Variants in GAB2 observed in about 807,000 individuals in gnomAD.
GAB2 encodes the protein GRB2 associated binding protein 2.
Under a neutral mutation model 65.5 loss-of-function variants are expected in GAB2, and 26 were observed. The observed-to-expected ratio is 0.40, with a 90% confidence interval of 0.29 to 0.55. GAB2 has a LOEUF of 0.55. Ranked by LOEUF, GAB2 falls within the 20% of genes least tolerant of loss-of-function variation. The pLI is 0.53. For synonymous variants in GAB2, 321 were observed against 329.6 expected, an observed-to-expected ratio of 0.97 and a Z score of 0.28; for missense variants, 884 against 875.8, an observed-to-expected ratio of 1.01 and a Z score of -0.12.
At chr11:78,294,278 G>T (rs1233321322) in intron 1 of GAB2, among the ~76,000 whole-genome samples, 1 of 152,162 alleles carries the variant, frequency 6.6e-6, no homozygotes, top group Admixed American at 6.5e-5. Context: ...GTATTCCATG[G>T]TGTATATGTG....
chr11:78,233,040 G>GT (rs372693456), intron 3 of GAB2, among the ~76,000 whole-genome samples: 3,077 of 131,926 alleles, frequency 0.023, 66 homozygotes, highest in Middle Eastern at 0.037. Context: ...GCACTGTTAA[G>GT]TTTTTTTTTT....
chr11:78,327,256 T>C (rs2134671736), intron 1 of GAB2, among the ~76,000 whole-genome samples: 1 of 152,284 alleles, frequency 6.6e-6, no homozygotes, highest in African/African-American at 2.4e-5. Context: ...AACAATCATG[T>C]TTTAATTATC....
At chr11:78,346,168 T>C (rs544863815) in intron 1 of GAB2, among the ~76,000 whole-genome samples, 1 of 152,260 alleles carries the variant, frequency 6.6e-6, no homozygotes, top group African/African-American at 2.4e-5. Flanking sequence ...TGACTACAAT[T>C]CTTCACCCTT....
chr11:78,341,031 T>C (rs1489703916), intron 1 of GAB2, among the ~76,000 whole-genome samples: 4 of 152,178 alleles, frequency 2.6e-5, no homozygotes, highest in African/African-American at 9.7e-5. Flanking sequence ...TGCTCTTTCT[T>C]GATGCCTATA....
intron 1 of GAB2, among the ~76,000 whole-genome samples, chr11:78,313,310 T>C (rs1939569329): frequency 6.6e-6 from 1 of 152,130 alleles, no homozygotes; most frequent in Non-Finnish European, 1.5e-5. Flanking sequence ...AATCCTAGAC[T>C]GTTGAGAATA....
chr11:78,310,370 G>A (rs1446318098), intron 1 of GAB2, among the ~76,000 whole-genome samples: 3 of 150,852 alleles, frequency 2.0e-5, no homozygotes, highest in African/African-American at 7.3e-5. Context: ...AAAATTAGCC[G>A]GGCACGGTGG....
rs140172625 is a variant in GAB2 at position 78,337,177 on chromosome 11, T to G, written c.76-56276A>C. The stretch of plus-strand genomic sequence containing the variant: ...CAAGATCTCAACACATTCTTAGCAT[T>G]TGGTCTCAGCAAAAGATCAGATAAT... On this transcript the variant is annotated intron_variant, in intron 1 of 9. Coordinates refer to ENST00000361507, the MANE Select transcript of GAB2 (RefSeq NM_080491.3). 2.7e-3 allele frequency among the ~76,000 whole-genome samples: 410 copies of G among 152,334 alleles called. 3 individuals are homozygous for G. Among genetic ancestry groups the G allele is most frequent in the Non-Finnish European group, 4.6e-3 (316 of 68,024 alleles).
intron 9 of GAB2, among the ~76,000 whole-genome samples, chr11:78,219,622 G>C (rs1023751167): frequency 2.0e-5 from 3 of 152,164 alleles, no homozygotes; most frequent in African/African-American, 7.2e-5. Context: ...CCTCCTGCAG[G>C]ATGTAGCAGC....
intron 3 of GAB2, among the ~76,000 whole-genome samples, chr11:78,248,251 G>A (rs866065195): frequency 1.4e-4 from 22 of 152,252 alleles, no homozygotes; most frequent in Middle Eastern, 6.8e-3. Flanking sequence ...TGCAGAGAGT[G>A]GGCCCTAAAG....
intron 1 of GAB2, among the ~76,000 whole-genome samples, chr11:78,286,404 A>G (rs761217715): frequency 6.6e-6 from 1 of 151,616 alleles, no homozygotes; most frequent in Admixed American, 6.6e-5. Flanking sequence ...ACCTGTGCTT[A>G]CCCCACGCTG....
intron 3 of GAB2, among the ~76,000 whole-genome samples, chr11:78,242,333 T>C (rs1182149930): frequency 1.3e-5 from 2 of 151,862 alleles, no homozygotes; most frequent in African/African-American, 4.8e-5. Context: ...AAACCCCATC[T>C]CTACTAAAAA....
intron 1 of GAB2, among the ~76,000 whole-genome samples, chr11:78,288,478 G>C (rs1167666071): frequency 2.0e-5 from 3 of 151,592 alleles, no homozygotes; most frequent in Non-Finnish European, 4.4e-5. Flanking sequence ...GGACGAATAA[G>C]TGAGTTCAGC....
intron 3 of GAB2, among the ~76,000 whole-genome samples, chr11:78,244,250 G>A (rs531615654): frequency 3.3e-5 from 5 of 152,208 alleles, no homozygotes; most frequent in Middle Eastern, 3.4e-3. Flanking sequence ...AAATTGGCCA[G>A]GCATGGTGGT....
chr11:78,351,978 C>T (rs1010482765), intron 1 of GAB2, among the ~76,000 whole-genome samples: 2 of 152,006 alleles, frequency 1.3e-5, no homozygotes, highest in African/African-American at 2.4e-5. Flanking sequence ...TTTGGGAGGC[C>T]GAAGTGGAAG....
chr11:78,245,401 C>G (rs1386201918), intron 3 of GAB2, among the ~76,000 whole-genome samples: 1 of 152,058 alleles, frequency 6.6e-6, no homozygotes, highest in Non-Finnish European at 1.5e-5. Flanking sequence ...TCATCAGAAA[C>G]AATGAAGGTC....
Position 78,227,177 on chromosome 11 carries a change from T to G in GAB2, c.621-126A>C, listed in dbSNP as rs111365909. On this transcript the variant is annotated intron_variant, in intron 3 of 9. Transcript: ENST00000361507. The stretch of plus-strand genomic sequence containing the variant: ...CTGTAAAATGGTGACTAAAAGCATA[T>G]TTTGAAGGTTGTTCAGACTCTAGTA... 2,080 of 658,458 alleles carry G rather than the reference T, an allele frequency of 3.2e-3. 33 individuals are homozygous for G. The African/African-American group carries it at 0.032, about 10-fold the overall frequency. 40.8% of individuals were successfully genotyped at this position (658,458 alleles called of 1,614,324 possible).
At chr11:78,258,725 A>C (rs1306327577) in intron 2 of GAB2, among the ~76,000 whole-genome samples, 1 of 152,052 alleles carries the variant, frequency 6.6e-6, no homozygotes, top group African/African-American at 2.4e-5. Context: ...GGCCTCCCAA[A>C]GTGCTGGAAC....
intron 1 of GAB2, among the ~76,000 whole-genome samples, chr11:78,401,667 A>G (rs1285545468): frequency 6.6e-6 from 1 of 152,096 alleles, no homozygotes; most frequent in African/African-American, 2.4e-5. Flanking sequence ...GCGTGTGTGT[A>G]TATATATGTA....
At chr11:78,288,215 A>G (rs897604271) in intron 1 of GAB2, among the ~76,000 whole-genome samples, 1 of 151,408 alleles carries the variant, frequency 6.6e-6, no homozygotes, top group Non-Finnish European at 1.5e-5. Flanking sequence ...TCCCATCTCT[A>G]CTAAAATACA....
Sources: gnomAD v4.1 joint callset for allele counts (sites outside exome capture counted in the v4.1 genomes callset) on GRCh38, gnomAD v4.1.1 for gene constraint, MANE v1.5 for transcripts, NCBI Gene and HGNC (gene_info 2026-07-23, HGNC 2026-07-21) for gene names.